AGPAT2: variants seen among roughly 807,000 people sequenced by gnomAD.
AGPAT2 encodes the protein 1-acylglycerol-3-phosphate O-acyltransferase 2.
In AGPAT2, 18 loss-of-function variants were observed where a neutral mutation model predicts 26.1. The ratio of observed to expected loss-of-function variants is 0.69; its 90% CI spans 0.48 to 1.02. The LOEUF (loss-of-function observed/expected upper bound fraction) is 1.02. Ranked by LOEUF, AGPAT2 falls within the 50% of genes least tolerant of loss-of-function variation. The probability of loss-of-function intolerance (pLI) is 0.00; values close to 1 mark genes in which losing one functional copy is unlikely to be tolerated. For missense variants in AGPAT2, 415 were observed against 394.9 expected (o/e 1.05, Z -0.43); for synonymous variants, 200 against 174.2 (o/e 1.15, Z -1.16).
At chr9:136,675,128 TAGG>T (rs1161464256) in intron 4 of AGPAT2, among the ~76,000 whole-genome samples, 1 of 152,092 alleles carries the variant, frequency 6.6e-6, no homozygotes, top group East Asian at 1.9e-4. Context: ...CTGTCCGGTT[TAGG>T]AGGAGATTAT....
chr9:136,682,166 C>T (rs1385746433), intron 1 of AGPAT2, among the ~76,000 whole-genome samples: 4 of 152,148 alleles, frequency 2.6e-5, no homozygotes, highest in Admixed American at 2.0e-4. Context: ...CGTGCTGGGG[C>T]GGCGCGGGCC....
intron 3 of AGPAT2, 133 bp downstream of exon 3, chr9:136,676,828 G>C: frequency 7.8e-7 from 1 of 1,277,714 alleles, no homozygotes; most frequent in Non-Finnish European, 1.1e-6. Flanking sequence ...GGTCTGGCGT[G>C]GGACCCCACC....
chr9:136,684,304 CT>C (rs1374486496), intron 1 of AGPAT2, among the ~76,000 whole-genome samples: 4 of 152,218 alleles, frequency 2.6e-5, no homozygotes, highest in Non-Finnish European at 5.9e-5. Context: ...CTGGGCTTTG[CT>C]TTCCTCTGTC....
At chr9:136,675,435 G>GT in intron 4 of AGPAT2, among the ~76,000 whole-genome samples, 2 of 54,672 alleles carry the variant, frequency 3.7e-5, no homozygotes, top group African/African-American at 5.3e-5. Context: ...CTGGCAGCAG[G>GT]AAGGGAGGAG....
At chr9:136,680,490 G>T (rs931939248) in intron 1 of AGPAT2, among the ~76,000 whole-genome samples, 4 of 151,926 alleles carry the variant, frequency 2.6e-5, no homozygotes, top group Admixed American at 6.6e-5. Flanking sequence ...GCCTCCCAAA[G>T]TGCTGGGATT....
rs780464197 is a variant in AGPAT2 at position 136,674,758 on chromosome 9, G to A, written c.638C>T (p.Thr213Ile). The change falls in exon 5 of 6, where the codon ACC becomes ATC. Residue 213 changes from threonine to isoleucine, a missense_variant. Physicochemically the swap from Thr to Ile is moderately conservative, Grantham distance 89. Transcript: ENST00000371696. ...VYSSFSSFYNTKKKFFTSGTV... is the reference protein window; with the variant it reads ...VYSSFSSFYNIKKKFFTSGTV... ...ACCTGAAGTGAAGAACTTCTTCTTG[G>A]TGTTGTAGAAGGAGGAGAAGGAAGA... is the stretch of plus-strand genomic sequence containing the variant. The A allele has an allele frequency of 2.0e-6, 3 of 1,521,410 alleles. No individual in the cohort carries two copies. The highest frequency in any genetic ancestry group is 2.1e-5 in the Admixed American group (1 of 48,562). 94.2% of individuals were successfully genotyped at this position (1,521,410 alleles called of 1,614,324 possible).
intron 4 of AGPAT2, among the ~76,000 whole-genome samples, chr9:136,675,961 C>T (rs1434881980): frequency 6.6e-6 from 1 of 152,180 alleles, no homozygotes; most frequent in Non-Finnish European, 1.5e-5. Flanking sequence ...TGAGCGAGAC[C>T]CCACCCAGAT....
intron 1 of AGPAT2, among the ~76,000 whole-genome samples, chr9:136,683,842 C>T (rs1347829758): frequency 1.3e-5 from 2 of 152,326 alleles, no homozygotes; most frequent in East Asian, 1.9e-4. Context: ...ACAGGGCCCC[C>T]GATGGCATCT....
chr9:136,681,219 G>A (rs1187188549), intron 1 of AGPAT2, among the ~76,000 whole-genome samples: 1 of 151,920 alleles, frequency 6.6e-6, no homozygotes, highest in East Asian at 1.9e-4. Context: ...CTGAGCAGGC[G>A]CTGTGTCCCG....
At chr9:136,679,052 C>A (rs1439374792) in intron 1 of AGPAT2, among the ~76,000 whole-genome samples, 1 of 152,126 alleles carries the variant, frequency 6.6e-6, no homozygotes, top group Non-Finnish European at 1.5e-5. Context: ...ACTCGCCCGG[C>A]CTTTAAAAAA....
Position 136,677,575 on chromosome 9 carries a change from T to A in AGPAT2, c.183-19A>T, listed in dbSNP as rs1185432591. The stretch of plus-strand genomic sequence containing the variant: ...GATGATGCTGCAGGGGAGGCCACCA[T>A]GAACACGGGTCCCACAGATCCCGCA... On this transcript the variant is annotated intron_variant, in intron 1 of 5. Coordinates refer to ENST00000371696, the MANE Select transcript of AGPAT2 (RefSeq NM_006412.4). 1.2e-6 allele frequency: 2 copies of A among 1,612,546 alleles called. No homozygotes were observed. The highest frequency in any genetic ancestry group is 2.2e-5 in the South Asian group (2 of 91,074).
intron 1 of AGPAT2, among the ~76,000 whole-genome samples, chr9:136,678,436 C>T (rs530763412): frequency 1.3e-5 from 2 of 152,346 alleles, no homozygotes; most frequent in Admixed American, 1.3e-4. Context: ...GCTCTGGGCA[C>T]ACCCCAGATA....
At chr9:136,675,952 G>A (rs929066986) in intron 4 of AGPAT2, among the ~76,000 whole-genome samples, 3 of 152,182 alleles carry the variant, frequency 2.0e-5, no homozygotes, top group African/African-American at 7.2e-5. Context: ...CCCCTGCCCT[G>A]AGCGAGACCC....
chr9:136,674,412 C>T (rs369290302), intron 5 of AGPAT2, among the ~76,000 whole-genome samples: 15 of 152,262 alleles, frequency 9.9e-5, no homozygotes, highest in African/African-American at 3.6e-4. Flanking sequence ...CTACCCTATG[C>T]GGGCATCAGC....
At chr9:136,675,355 A>C (rs1204164532) in intron 4 of AGPAT2, among the ~76,000 whole-genome samples, 7 of 111,712 alleles carry the variant, frequency 6.3e-5, no homozygotes, top group African/African-American at 2.2e-4. Flanking sequence ...GGCAGCAGGA[A>C]GGGAGGGGGC....
chr9:136,680,809 G>C (rs1006441507), intron 1 of AGPAT2, among the ~76,000 whole-genome samples: 17 of 151,660 alleles, frequency 1.1e-4, no homozygotes, highest in Non-Finnish European at 2.4e-4. Context: ...TGGGACTACT[G>C]GTGTGCGCCA....
At chr9:136,682,752 G>A (rs1227842118) in intron 1 of AGPAT2, among the ~76,000 whole-genome samples, 1 of 152,196 alleles carries the variant, frequency 6.6e-6, no homozygotes, top group African/African-American at 2.4e-5. Flanking sequence ...GGAGCCCTCA[G>A]ACTGGAGTCC....
intron 4 of AGPAT2, 44 bp from the exon 5 acceptor site, chr9:136,674,851 GC>G: frequency 7.0e-7 from 1 of 1,424,146 alleles, no homozygotes; most frequent in Non-Finnish European, 9.4e-7. Context: ...CTGGGGACAG[GC>G]CAGGCACACC....
chr9:136,680,161 G>A (rs1846141594), intron 1 of AGPAT2, among the ~76,000 whole-genome samples: 1 of 152,206 alleles, frequency 6.6e-6, no homozygotes, highest in Non-Finnish European at 1.5e-5. Context: ...CCTGCAGGAG[G>A]CTCGGGCCAC....
Sources: allele counts gnomAD v4.1 joint callset (sites outside exome capture counted in the v4.1 genomes callset), GRCh38; gene constraint gnomAD v4.1.1; transcripts MANE v1.5; gene names NCBI Gene and HGNC (gene_info 2026-07-23, HGNC 2026-07-21).